Variants in PYGO1 observed in about 807,000 individuals in gnomAD.
The protein encoded by PYGO1 is pygopus family PHD finger 1.
A neutral mutation model predicts 29.5 loss-of-function variants in PYGO1; 6 were observed. That is an observed-to-expected ratio of 0.20 (90% CI 0.11 to 0.40). The LOEUF is 0.40. Among genes scored for constraint, PYGO1 ranks in the 10% least tolerant of loss-of-function variants. The pLI is 1.00. For missense variants in PYGO1, 515 were observed against 514.9 expected, an observed-to-expected ratio of 1.00 and a Z score of 0.00; for synonymous variants, 186 against 180.5, an observed-to-expected ratio of 1.03 and a Z score of -0.24.
At chr15:55,559,578 C>T (rs1567054068) in intron 1 of PYGO1, among the ~76,000 whole-genome samples, 1 of 152,280 alleles carries the variant, frequency 6.6e-6, no homozygotes, top group Non-Finnish European at 1.5e-5. Context: ...TTGGAACCAA[C>T]CCAAATGTCC....
In PYGO1 at chr15:55,588,265, C is replaced by G. The variant is rs1046260903; in HGVS notation, c.-382G>C. ...CCGCTGACAGGGGAAGCAGGAGGCT[C>G]GCGGCCCGGCCCTGGCGGCACACTC... is the stretch of plus-strand genomic sequence containing the variant. On this transcript the variant is annotated 5_prime_UTR_variant, in exon 1 of 3. Transcript: ENST00000563719. Among the ~76,000 whole-genome samples the G allele has an allele frequency of 6.7e-6, 1 of 149,080 alleles. No homozygotes were observed. The highest frequency in any genetic ancestry group is 6.7e-5 in the Admixed American group (1 of 15,026).
At position 55,552,789 on chromosome 15, in the gene PYGO1, C is replaced by T. The variant is rs1454145441; in HGVS notation, c.50-3794G>A. 1.1e-4 allele frequency among the ~76,000 whole-genome samples: 16 copies of T among 152,212 alleles called. No homozygotes were observed. The East Asian group carries it at 2.1e-3, about 20-fold the overall frequency. On this transcript the variant is annotated intron_variant, in intron 1 of 2. Coordinates refer to ENST00000563719, the MANE Select transcript of PYGO1 (RefSeq NM_001367806.1). ...AGAGACCCAGGAGTTTTACATACTC[C>T]GGCCCCAGAAGTCCCTGCAAAGATG...
chr15:55,551,646 T>TC (rs1413186756), intron 1 of PYGO1, among the ~76,000 whole-genome samples: 6 of 151,186 alleles, frequency 4.0e-5, no homozygotes, highest in African/African-American at 1.5e-4. Flanking sequence ...AAAATTAAAA[T>TC]TAAAAAAAAA....
chr15:55,561,150 C>T (rs759730486), intron 1 of PYGO1, among the ~76,000 whole-genome samples: 14 of 152,000 alleles, frequency 9.2e-5, no homozygotes, highest in African/African-American at 1.2e-4. Context: ...TACAGAACAA[C>T]GAAACAGAAG....
chr15:55,560,083 A>T (rs2058926390), intron 1 of PYGO1, among the ~76,000 whole-genome samples: 1 of 152,158 alleles, frequency 6.6e-6, no homozygotes, highest in Non-Finnish European at 1.5e-5. Flanking sequence ...TATCATACTG[A>T]ATGGGCAAAA....
intron 1 of PYGO1, among the ~76,000 whole-genome samples, chr15:55,559,307 G>T (rs572276156): frequency 9.2e-5 from 14 of 151,964 alleles, no homozygotes; most frequent in African/African-American, 2.9e-4. Flanking sequence ...TTAGAATGGC[G>T]ATCATTAAAA....
intron 1 of PYGO1, among the ~76,000 whole-genome samples, chr15:55,570,880 G>C (rs1022686785): frequency 5.3e-5 from 8 of 151,328 alleles, no homozygotes; most frequent in Admixed American, 1.3e-4. Flanking sequence ...ACTTTTAATT[G>C]TAGTAAAACA....
At chr15:55,588,876 CCGTGTCCG>C, upstream of PYGO1, 1 of 1,612,946 alleles carries the variant, frequency 6.2e-7, no homozygotes, top group Non-Finnish European at 8.5e-7. Flanking sequence ...TTCCCCGACT[CCGTGTCCG>C]CGTGGCCGTG....
At chr15:55,562,962 T>C (rs931660169) in intron 1 of PYGO1, among the ~76,000 whole-genome samples, 1 of 151,292 alleles carries the variant, frequency 6.6e-6, no homozygotes, top group Non-Finnish European at 1.5e-5. Flanking sequence ...ATGGACACAT[T>C]GCGGGGAACA....
intron 1 of PYGO1, among the ~76,000 whole-genome samples, chr15:55,579,045 C>T (rs189055493): frequency 1.5e-3 from 233 of 152,238 alleles, no homozygotes; most frequent in African/African-American, 5.3e-3. Context: ...GTTATAATCC[C>T]ACTTGGGAAG....
At chr15:55,569,350 T>C (rs200957639) in intron 1 of PYGO1, among the ~76,000 whole-genome samples, 5,351 of 152,254 alleles carry the variant, frequency 0.035, 254 homozygotes, top group East Asian at 0.26. Context: ...TTCTTGTTTT[T>C]CTAGTTCTTC....
intron 1 of PYGO1, among the ~76,000 whole-genome samples, chr15:55,554,913 G>A (rs1298554363): frequency 1.3e-5 from 2 of 152,120 alleles, no homozygotes; most frequent in African/African-American, 4.8e-5. Flanking sequence ...GGGGGAGAAT[G>A]GAACCAAGTC....
intron 1 of PYGO1, among the ~76,000 whole-genome samples, chr15:55,553,548 A>G (rs994994274): frequency 1.3e-5 from 2 of 151,948 alleles, no homozygotes; most frequent in African/African-American, 2.4e-5. Context: ...GGCACTTGCC[A>G]CCACCACCAC....
At chr15:55,579,366 A>C (rs1595994591) in intron 1 of PYGO1, among the ~76,000 whole-genome samples, 1 of 152,318 alleles carries the variant, frequency 6.6e-6, no homozygotes, top group East Asian at 1.9e-4. Context: ...AAGGCGCCAA[A>C]CCTCAAAGTC....
chr15:55,555,786 C>CTCACAGGCAAAGACACAT (rs1567052894), intron 1 of PYGO1, among the ~76,000 whole-genome samples: 1 of 151,970 alleles, frequency 6.6e-6, no homozygotes, highest in East Asian at 1.9e-4. Context: ...GAAAGACACA[C>CTCACAGGCAAAGACACAT]CTCACAGGCA....
At chr15:55,550,007 AG>A (rs368761798) in intron 1 of PYGO1, among the ~76,000 whole-genome samples, 14 of 152,194 alleles carry the variant, frequency 9.2e-5, no homozygotes, top group African/African-American at 3.4e-4. Flanking sequence ...TCTAAAAACT[AG>A]GAACTTAAAA....
At chr15:55,569,762 T>C (rs1282250427) in intron 1 of PYGO1, among the ~76,000 whole-genome samples, 2 of 152,320 alleles carry the variant, frequency 1.3e-5, no homozygotes, top group South Asian at 2.1e-4. Flanking sequence ...GAAGAATGTA[T>C]ATTCTGTGGT....
At chr15:55,562,298 G>A (rs186513203) in intron 1 of PYGO1, among the ~76,000 whole-genome samples, 1 of 152,306 alleles carries the variant, frequency 6.6e-6, no homozygotes, top group Non-Finnish European at 1.5e-5. Flanking sequence ...CAAAGATCTA[G>A]AGGCAGAAAT....
At chr15:55,575,355 C>G (rs1014784736) in intron 1 of PYGO1, among the ~76,000 whole-genome samples, 1 of 152,120 alleles carries the variant, frequency 6.6e-6, no homozygotes, top group African/African-American at 2.4e-5. Flanking sequence ...TAGCAATGTA[C>G]AATTCTCTCC....
Sources: gnomAD v4.1 joint callset for allele counts (sites outside exome capture counted in the v4.1 genomes callset) on GRCh38, gnomAD v4.1.1 for gene constraint, MANE v1.5 for transcripts, NCBI Gene and HGNC (gene_info 2026-07-23, HGNC 2026-07-21) for gene names.